CTNNA3: variants seen among roughly 807,000 people sequenced by gnomAD.
CTNNA3 encodes catenin alpha 3, also known as catenin alpha-3.
A neutral mutation model predicts 95.7 loss-of-function variants in CTNNA3; 76 were observed. That is an observed-to-expected ratio of 0.79 (90% CI 0.66 to 0.96). CTNNA3 has a LOEUF of 0.96. Ranked by LOEUF, CTNNA3 falls within the 40% of genes least tolerant of loss-of-function variation. CTNNA3 has a pLI of 0.00. For synonymous variants in CTNNA3, 431 were observed against 374.4 expected (o/e 1.15, Z -1.74); for missense variants, 1,191 against 1,089.8 (o/e 1.09, Z -1.31).
chr10:66,787,921 C>A (rs567079483), intron 7 of CTNNA3, among the ~76,000 whole-genome samples: 3 of 152,122 alleles, frequency 2.0e-5, no homozygotes, highest in African/African-American at 7.2e-5. Context: ...AGAGACAGAA[C>A]TAAATACTGT....
intron 7 of CTNNA3, among the ~76,000 whole-genome samples, chr10:66,922,086 T>C (rs1017367764): frequency 6.6e-6 from 1 of 152,188 alleles, no homozygotes; most frequent in African/African-American, 2.4e-5. Flanking sequence ...TTAAACAAAA[T>C]ATGTTTAGCT....
chr10:66,408,258 T>A (rs112161732), intron 11 of CTNNA3, among the ~76,000 whole-genome samples: 1 of 152,212 alleles, frequency 6.6e-6, no homozygotes, highest in African/African-American at 2.4e-5. Context: ...ATGGAACCCA[T>A]GGATGTGGAA....
chr10:66,827,154 C>G (rs76554804), intron 7 of CTNNA3, among the ~76,000 whole-genome samples: 1 of 152,306 alleles, frequency 6.6e-6, no homozygotes, highest in East Asian at 1.9e-4. Flanking sequence ...CCTTGGCCAG[C>G]TTTCTATCCA....
chr10:67,699,118 C>A (rs59656522), upstream of CTNNA3, among the ~76,000 whole-genome samples: 13,955 of 152,168 alleles, frequency 0.092, 754 homozygotes, highest in African/African-American at 0.15. Context: ...GGACTCTGCT[C>A]CTTCACGATC....
At chr10:67,244,431 A>G (rs1209474606) in intron 5 of CTNNA3, among the ~76,000 whole-genome samples, 1 of 152,238 alleles carries the variant, frequency 6.6e-6, no homozygotes, top group Admixed American at 6.5e-5. Context: ...ACCAATAACT[A>G]GATTCATCTG....
intron 10 of CTNNA3, among the ~76,000 whole-genome samples, chr10:66,581,413 A>ATT (rs3053825): frequency 0.061 from 9,042 of 148,054 alleles, 309 homozygotes; most frequent in African/African-American, 0.073. Context: ...TCTTTTGGGG[A>ATT]TTTTTTTTTT....
intron 9 of CTNNA3, among the ~76,000 whole-genome samples, chr10:66,692,420 C>T (rs12243612): frequency 0.095 from 14,427 of 151,790 alleles, 726 homozygotes; most frequent in Middle Eastern, 0.19. Context: ...GAAAAAAGAA[C>T]AAAAAGAAAC....
At chr10:67,671,809 A>G (rs9730724) in intron 1 of CTNNA3, among the ~76,000 whole-genome samples, 33,445 of 150,478 alleles carry the variant, frequency 0.22, 7,573 homozygotes, top group African/African-American at 0.59. Context: ...TAATAGTGCC[A>G]CAATAAACAT....
At chr10:66,620,174 A>C (rs1450742368) in intron 10 of CTNNA3, among the ~76,000 whole-genome samples, 3 of 152,158 alleles carry the variant, frequency 2.0e-5, no homozygotes, top group African/African-American at 7.2e-5. Flanking sequence ...ACAAAACCAC[A>C]AACCAGGACA....
intron 5 of CTNNA3, among the ~76,000 whole-genome samples, chr10:67,347,971 C>A (rs554186289): frequency 1.3e-5 from 2 of 152,054 alleles, no homozygotes; most frequent in Non-Finnish European, 2.9e-5. Flanking sequence ...TCTGCTTCAC[C>A]AAACCAGAAA....
At chr10:66,254,798 TC>T (rs1445824405) in intron 13 of CTNNA3, among the ~76,000 whole-genome samples, 1 of 152,220 alleles carries the variant, frequency 6.6e-6, no homozygotes, top group Non-Finnish European at 1.5e-5. Context: ...TTCAGTGGGA[TC>T]CTGAAGCCCT....
At chr10:67,166,382 C>A (rs1329911041) in intron 7 of CTNNA3, among the ~76,000 whole-genome samples, 1 of 152,044 alleles carries the variant, frequency 6.6e-6, no homozygotes, top group Non-Finnish European at 1.5e-5. Context: ...TCACACTGGA[C>A]ACTAGAATCT....
intron 7 of CTNNA3, among the ~76,000 whole-genome samples, chr10:66,970,056 G>A (rs796730809): frequency 3.9e-5 from 6 of 152,206 alleles, no homozygotes; most frequent in South Asian, 2.1e-4. Context: ...GGTTTAATGC[G>A]TGGCACCTAT....
Position 67,606,928 on chromosome 10 carries a change from T to C in CTNNA3, c.221A>G (p.Glu74Gly). 1 of 1,614,106 alleles carries C rather than the reference T, an allele frequency of 6.2e-7. No homozygotes were observed. Among genetic ancestry groups the C allele is most frequent in the Non-Finnish European group, 8.5e-7 (1 of 1,179,952 alleles). Reference sequence around the variant, plus strand: ...AACTGTAGCTTCCTGGGCAATCTTCTCTCCCTTGTCTAATAAATTCCAAGT... The same window carrying C: ...AACTGTAGCTTCCTGGGCAATCTTCCCTCCCTTGTCTAATAAATTCCAAGT... ...EATWNLLDKGEKIAQEATVLK... is the reference protein window; with the variant it reads ...EATWNLLDKGGKIAQEATVLK... Residue 74 changes from glutamate to glycine, a missense_variant, in exon 3 of 18, where the codon GAG (glutamate) becomes GGG (glycine). Glu to Gly is a moderately conservative substitution (Grantham distance 98). Transcript: ENST00000433211.
chr10:66,600,336 T>A (rs1175385074), intron 10 of CTNNA3, among the ~76,000 whole-genome samples: 1 of 151,856 alleles, frequency 6.6e-6, no homozygotes, highest in Non-Finnish European at 1.5e-5. Context: ...TTTTTAAAAT[T>A]CAGTCAAATT....
chr10:67,626,171 A>T (rs1838946656), intron 2 of CTNNA3, among the ~76,000 whole-genome samples: 1 of 130,724 alleles, frequency 7.6e-6, no homozygotes. Flanking sequence ...ACAGAGCAAA[A>T]CCCTGTCTCA....
intron 5 of CTNNA3, among the ~76,000 whole-genome samples, chr10:67,263,650 A>C (rs565120678): frequency 6.6e-6 from 1 of 152,256 alleles, no homozygotes; most frequent in African/African-American, 2.4e-5. Context: ...CCTTCCTTCT[A>C]TGCCAGGGAA....
At chr10:66,830,528 C>T (rs1842676211) in intron 7 of CTNNA3, among the ~76,000 whole-genome samples, 2 of 152,128 alleles carry the variant, frequency 1.3e-5, no homozygotes, top group East Asian at 3.9e-4. Flanking sequence ...ACTCGTGCTC[C>T]TTCTTCAGCA....
At chr10:67,364,662 TA>T (rs1247284996) in intron 5 of CTNNA3, among the ~76,000 whole-genome samples, 5 of 152,062 alleles carry the variant, frequency 3.3e-5, no homozygotes, top group Non-Finnish European at 7.4e-5. Context: ...GAATCCAACT[TA>T]AAAGTGATGT....
Sources: gnomAD v4.1 joint callset for allele counts (sites outside exome capture counted in the v4.1 genomes callset) on GRCh38, gnomAD v4.1.1 for gene constraint, MANE v1.5 for transcripts, NCBI Gene and HGNC (gene_info 2026-07-23, HGNC 2026-07-21) for gene names.